PHACTR2: variants seen among roughly 807,000 people sequenced by gnomAD.
PHACTR2 encodes chromosome 6 open reading frame 56.
Under a neutral mutation model 76.0 loss-of-function variants are expected in PHACTR2, and 30 were observed. The ratio of observed to expected loss-of-function variants is 0.39; its 90% CI spans 0.30 to 0.54. The LOEUF is 0.54. PHACTR2 is among the 20% of genes least tolerant of loss of function. PHACTR2 has a pLI of 0.61. For missense variants in PHACTR2, 696 were observed against 781.1 expected, an observed-to-expected ratio of 0.89 and a Z score of 1.30; for synonymous variants, 292 against 292.5, an observed-to-expected ratio of 1.00 and a Z score of 0.02.
In PHACTR2 at chr6:143,789,869, A is replaced by C. The variant is rs1775637146; in HGVS notation, c.1845+959A>C. Among the ~76,000 whole-genome samples, 1 of 152,242 alleles carries C rather than the reference A, an allele frequency of 6.6e-6. No individual in the cohort carries two copies. Among genetic ancestry groups the C allele is most frequent in the Admixed American group, 6.5e-5 (1 of 15,286 alleles). ...TAGAAATGAAAAGTAAGAAGGAATA[A>C]GATCACAAAGGAAGAATGTTCAGAA... On this transcript the variant is annotated intron_variant, in intron 11 of 12. Coordinates refer to ENST00000440869, the MANE Select transcript of PHACTR2 (RefSeq NM_001100164.2). This position sits in a 1 kb window ranked among gnomAD's most constrained non-coding sequence, Gnocchi z 5.1.
intron 12 of PHACTR2, among the ~76,000 whole-genome samples, chr6:143,817,701 C>G (rs538335337): frequency 1.6e-4 from 24 of 152,234 alleles, no homozygotes; most frequent in African/African-American, 5.5e-4. Flanking sequence ...GTCATTTACA[C>G]CAGCATGGAT....
Position 143,820,608 on chromosome 6 carries a change from G to A in PHACTR2, c.1923-3066G>A, listed in dbSNP as rs1776397510. Reference sequence around the variant, plus strand: ...AGCTCTACCCCTGTGGATTTGCAAGGTGCAGCCCCCAGGCTGATCTCACAG... The same window carrying A: ...AGCTCTACCCCTGTGGATTTGCAAGATGCAGCCCCCAGGCTGATCTCACAG... On this transcript the variant is annotated intron_variant, in intron 12 of 12. Coordinates refer to ENST00000440869, the MANE Select transcript of PHACTR2 (RefSeq NM_001100164.2). This position sits in a 1 kb window ranked among gnomAD's most constrained non-coding sequence, Gnocchi z 4.2. Among the ~76,000 whole-genome samples, 2 of 152,218 alleles carry A rather than the reference G, an allele frequency of 1.3e-5. No individual in the cohort carries two copies. Among genetic ancestry groups the A allele is most frequent in the Non-Finnish European group, 2.9e-5 (2 of 68,034 alleles).
In PHACTR2 at chr6:143,537,029, C is replaced by A; in HGVS notation, c.39C>A (p.Val13=). Residue 13 remains valine (V), a synonymous_variant, in exon 1 of 12, where the codon GTC becomes GTA. Coordinates refer to the PHACTR2 transcript ENST00000367584. This position sits in a 1 kb window ranked among gnomAD's most constrained non-coding sequence, Gnocchi z 4.4. ...GCTGGCGCCCCGCGGCGTCCCCGGTCGATCCGGCCGGGCAGGCGGCGGCGG... is the reference window on the plus strand; with the variant it reads ...GCTGGCGCCCCGCGGCGTCCCCGGTAGATCCGGCCGGGCAGGCGGCGGCGG... 2 of 173,106 alleles carry A rather than the reference C, an allele frequency of 1.2e-5. No homozygotes were observed. The highest frequency in any genetic ancestry group is 3.5e-4 in the South Asian group (2 of 5,778). 10.7% of individuals were successfully genotyped at this position (173,106 alleles called of 1,614,324 possible). A position where few individuals can be genotyped will look rare whatever the true frequency, so the allele number is the denominator to read the frequency against.
intron 3 of PHACTR2, among the ~76,000 whole-genome samples, chr6:143,752,583 G>A (rs925623933): frequency 2.0e-5 from 3 of 152,098 alleles, no homozygotes; most frequent in Non-Finnish European, 2.9e-5. Flanking sequence ...ACTAAGCAAC[G>A]ATTGCTTTTT....
At chr6:143,717,840 G>T (rs1052395140) in intron 2 of PHACTR2, among the ~76,000 whole-genome samples, 2 of 152,056 alleles carry the variant, frequency 1.3e-5, no homozygotes, top group African/African-American at 4.8e-5. Context: ...TCAAAGTGCT[G>T]GGATTACAGG....
Position 143,700,989 on chromosome 6 carries a change from A to C in PHACTR2, c.47-11027A>C, listed in dbSNP as rs1777899538. Reference sequence around the variant, plus strand: ...CTTGTAGCGATAACAGTGGCATTCAAAACGTAAAATGCTTTTATTTACATT... The same window carrying C: ...CTTGTAGCGATAACAGTGGCATTCACAACGTAAAATGCTTTTATTTACATT... On this transcript the variant is annotated intron_variant, in intron 1 of 12. Transcript: ENST00000440869. The surrounding 1 kb of genome is among the most constrained non-coding windows in gnomAD (Gnocchi z 4.1). 6.6e-6 allele frequency among the ~76,000 whole-genome samples: 1 copy of C among 152,242 alleles called. No individual in the cohort carries two copies. The highest frequency in any genetic ancestry group is 1.5e-5 in the Non-Finnish European group (1 of 68,040).
chr6:143,678,143 C>CCTGG lies in PHACTR2; in HGVS notation c.-19_-16dup. ...CCAAAGGAGCCGCTTGATCGCTGGA[C>CCTGG]CTGGCCCTGCGACCCCAGTCATGGG... On this transcript the variant is annotated 5_prime_UTR_variant, in exon 1 of 13. Transcript: ENST00000440869. The surrounding 1 kb of genome is among the most constrained non-coding windows in gnomAD (Gnocchi z 6.2). The CCTGG allele has an allele frequency of 6.5e-7, 1 of 1,545,738 alleles. No homozygotes were observed. Among genetic ancestry groups the CCTGG allele is most frequent in the Non-Finnish European group, 8.7e-7 (1 of 1,144,862 alleles).
chr6:143,677,718 C>CT (rs1777276193), upstream of PHACTR2, among the ~76,000 whole-genome samples: 1 of 152,158 alleles, frequency 6.6e-6, no homozygotes, highest in East Asian at 1.9e-4. Flanking sequence ...ACTTTAATTC[C>CT]TTTTCTTGTA....
At chr6:143,538,173 A>C (rs1781136467) in intron 1 of PHACTR2, among the ~76,000 whole-genome samples, 1 of 152,188 alleles carries the variant, frequency 6.6e-6, no homozygotes. Context: ...GTGTTCTCAG[A>C]GGCTGCCCTG....
chr6:143,814,634 G>T (rs972249827), intron 12 of PHACTR2, among the ~76,000 whole-genome samples: 6 of 128,606 alleles, frequency 4.7e-5, no homozygotes, highest in African/African-American at 1.2e-4. Flanking sequence ...ACGGAGTCTC[G>T]CTCTGTCGCC....
Position 143,595,571 on chromosome 6 carries a change from G to T in PHACTR2, c.217+58364G>T, listed in dbSNP as rs184437940. Among the ~76,000 whole-genome samples, 132 of 152,324 alleles carry T rather than the reference G, an allele frequency of 8.7e-4. 1 individual carries two copies. Among genetic ancestry groups the T allele is most frequent in the African/African-American group, 2.7e-3 (111 of 41,558 alleles). ...GCTATAAGGTGTGTCTTGAGAAACT[G>T]ATGCTCACTTGAAGTTCCATGCCAT... On this transcript the variant is annotated intron_variant, in intron 1 of 11. Coordinates refer to the PHACTR2 transcript ENST00000367584. The surrounding 1 kb of genome is among the most constrained non-coding windows in gnomAD (Gnocchi z 4.2).
At chr6:143,552,020 T>C (rs1332160214) in intron 1 of PHACTR2, among the ~76,000 whole-genome samples, 5 of 152,228 alleles carry the variant, frequency 3.3e-5, no homozygotes. Context: ...ACTTTAACTT[T>C]TCATGTGAGT....
At chr6:143,637,534 A>G (rs543585178) in intron 1 of PHACTR2, among the ~76,000 whole-genome samples, 5 of 152,260 alleles carry the variant, frequency 3.3e-5, no homozygotes, top group Non-Finnish European at 7.3e-5. Flanking sequence ...TTAGCAGCTT[A>G]ACACAACACA....
At position 143,811,281 on chromosome 6, in the gene PHACTR2, T is replaced by A. The variant is rs1776168633; in HGVS notation, c.1922+4148T>A. Among the ~76,000 whole-genome samples the A allele has an allele frequency of 6.6e-6, 1 of 152,228 alleles. No homozygotes were observed. The highest frequency in any genetic ancestry group is 2.1e-4 in the South Asian group (1 of 4,836). On this transcript the variant is annotated intron_variant, in intron 12 of 12. Coordinates refer to ENST00000440869, the MANE Select transcript of PHACTR2 (RefSeq NM_001100164.2). This position sits in a 1 kb window ranked among gnomAD's most constrained non-coding sequence, Gnocchi z 4.1. ...GATTGCTTATTATGTTCTAATGAGC[T>A]GTTTGTCTATCCATGTCTATATCCT...
chr6:143,603,021 T>G (rs1247389390), intron 1 of PHACTR2, among the ~76,000 whole-genome samples: 1 of 151,900 alleles, frequency 6.6e-6, no homozygotes, highest in Non-Finnish European at 1.5e-5. Flanking sequence ...GGTGCATGCC[T>G]GTAATCCCAG....
rs1038420290 is a variant in PHACTR2, at chr6:143,824,379, C to G, written c.*690C>G. Reference sequence around the variant, plus strand: ...TTAAATGCAAGAGCTTCTACTGACTCTTAACAAGCATGCTTACCCAAATTT... The same window carrying G: ...TTAAATGCAAGAGCTTCTACTGACTGTTAACAAGCATGCTTACCCAAATTT... On this transcript the variant is annotated 3_prime_UTR_variant, in exon 13 of 13. Coordinates refer to ENST00000440869, the MANE Select transcript of PHACTR2 (RefSeq NM_001100164.2). This position sits in a 1 kb window ranked among gnomAD's most constrained non-coding sequence, Gnocchi z 6.3. 6.6e-6 allele frequency: 1 copy of G among 152,594 alleles called. No individual in the cohort carries two copies. The highest frequency in any genetic ancestry group is 2.4e-5 in the African/African-American group (1 of 41,424). 9.5% of individuals were successfully genotyped at this position (152,594 alleles called of 1,614,324 possible). A position where few individuals can be genotyped will look rare whatever the true frequency, so the allele number is the denominator to read the frequency against.
chr6:143,656,213 C>T lies in PHACTR2; in HGVS notation c.13+47891C>T, dbSNP rs185551636. Among the ~76,000 whole-genome samples, 65 of 152,312 alleles carry T rather than the reference C, an allele frequency of 4.3e-4. No individual in the cohort carries two copies. The highest frequency in any genetic ancestry group is 6.6e-4 in the Non-Finnish European group (45 of 68,038). ...CCTGGGATATGGGGTCAGTCCATTC[C>T]TGTCCAGACCAGGGACTTCCTCTGA... On this transcript the variant is annotated intron_variant, in intron 1 of 11. Transcript: ENST00000305766. This position sits in a 1 kb window ranked among gnomAD's most constrained non-coding sequence, Gnocchi z 5.3.
intron 1 of PHACTR2, among the ~76,000 whole-genome samples, chr6:143,629,566 G>T (rs1776324785): frequency 6.6e-6 from 1 of 152,132 alleles, no homozygotes; most frequent in Non-Finnish European, 1.5e-5. Context: ...TGAGAACTGT[G>T]GGTGTGAGTA....
intron 1 of PHACTR2, among the ~76,000 whole-genome samples, chr6:143,631,715 A>G (rs1006682263): frequency 1.3e-5 from 2 of 152,222 alleles, no homozygotes; most frequent in African/African-American, 4.8e-5. Flanking sequence ...TTCAGTCTGC[A>G]GTCTGGTCCT....
Sources: gnomAD v4.1 joint callset for allele counts (sites outside exome capture counted in the v4.1 genomes callset) on GRCh38, gnomAD v4.1.1 for gene constraint, Gnocchi (gnomAD v3.1) non-coding constraint, MANE v1.5 for transcripts, NCBI Gene and HGNC (gene_info 2026-07-23, HGNC 2026-07-21) for gene names.